WDR11: variants seen among roughly 807,000 people sequenced by gnomAD.
The protein encoded by WDR11 is WD repeat domain 11.
Under a neutral mutation model 151.2 loss-of-function variants are expected in WDR11, and 83 were observed. That is an observed-to-expected ratio of 0.55 (90% CI 0.46 to 0.66). The LOEUF (loss-of-function observed/expected upper bound fraction) is 0.66. Among genes scored for constraint, WDR11 ranks in the 30% least tolerant of loss-of-function variants. The pLI is 0.00. For synonymous variants in WDR11, 484 were observed against 533.1 expected, an observed-to-expected ratio of 0.91 and a Z score of 1.27; for missense variants, 1,301 against 1,480.9, an observed-to-expected ratio of 0.88 and a Z score of 1.99.
chr10:120,873,780 C>A, intron 10 of WDR11, 59 bp from the exon 11 acceptor site: 1 of 1,193,876 alleles, frequency 8.4e-7, no homozygotes, highest in Non-Finnish European at 1.3e-6. Flanking sequence ...AAAGACTTTT[C>A]TTGCAAAGTG....
chr10:120,906,383 C>T (rs748778750), intron 27 of WDR11: 51 of 1,240,396 alleles, frequency 4.1e-5, no homozygotes, highest in African/African-American at 4.6e-5. Flanking sequence ...GGAGACATCC[C>T]GTCTGAAAAT....
chr10:120,863,564 T>G lies in WDR11; in HGVS notation c.713+643T>G, dbSNP rs147151046. Among the ~76,000 whole-genome samples, 263 of 152,362 alleles carry G rather than the reference T, an allele frequency of 1.7e-3. 2 individuals carry two copies. The highest frequency in any genetic ancestry group is 6.1e-3 in the African/African-American group (252 of 41,590). On this transcript the variant is annotated intron_variant, in intron 5 of 28. Coordinates refer to ENST00000263461, the MANE Select transcript of WDR11 (RefSeq NM_018117.12). ...TTATTTAGAAGATGTCGGCTGTTATTAAGAAATTACAACTGAATAAAAGTT... is the reference window on the plus strand; with the variant it reads ...TTATTTAGAAGATGTCGGCTGTTATGAAGAAATTACAACTGAATAAAAGTT...
At chr10:120,880,726 T>G in intron 12 of WDR11, 100 bp from the exon 13 acceptor site, 1 of 975,844 alleles carries the variant, frequency 1.0e-6, no homozygotes, top group Non-Finnish European at 1.6e-6. Context: ...GAACAGAGGG[T>G]AGGATGGGTA....
intron 14 of WDR11, among the ~76,000 whole-genome samples, 199 bp from the exon 15 acceptor site, chr10:120,885,615 A>T (rs1256686388): frequency 6.6e-6 from 1 of 152,010 alleles, no homozygotes; most frequent in Non-Finnish European, 1.5e-5. Context: ...GACCTTTTGG[A>T]AGTTTGCCAT....
chr10:120,866,068 C>G (rs1350044518), intron 7 of WDR11, among the ~76,000 whole-genome samples: 1 of 151,500 alleles, frequency 6.6e-6, no homozygotes, highest in Non-Finnish European at 1.5e-5. Flanking sequence ...TATTATACCC[C>G]CTTGACTTGT....
In WDR11 at chr10:120,906,767, G is replaced by T. The variant is rs777625858; in HGVS notation, c.3438-9G>T. 14 of 1,614,130 alleles carry T rather than the reference G, an allele frequency of 8.7e-6. No homozygotes were observed. The highest frequency in any genetic ancestry group is 1.2e-5 in the Non-Finnish European group (14 of 1,180,016). ...CAAAGCATAACTCTTGTTTTGTTCT[G>T]TTGAGCAGCATGAGATACTTTGATA... On this transcript the variant is annotated splice_polypyrimidine_tract_variant and intron_variant, in intron 27 of 28. Transcript: ENST00000263461.
intron 16 of WDR11, among the ~76,000 whole-genome samples, chr10:120,887,353 A>G (rs965366375): frequency 6.6e-6 from 1 of 152,250 alleles, no homozygotes; most frequent in Non-Finnish European, 1.5e-5. Flanking sequence ...AAGTTTTGCC[A>G]TTAATCATTT....
intron 15 of WDR11, 21 bp from the exon 16 acceptor site, chr10:120,886,668 A>G (rs750161696): frequency 1.2e-6 from 2 of 1,612,242 alleles, no homozygotes; most frequent in South Asian, 1.1e-5. Context: ...CATCTTTATC[A>G]TATGTTTCAC....
At chr10:120,875,361 T>C (rs1846727813) in intron 11 of WDR11, among the ~76,000 whole-genome samples, 1 of 152,230 alleles carries the variant, frequency 6.6e-6, no homozygotes, top group South Asian at 2.1e-4. Context: ...GAAAGCTAAA[T>C]TGACGGAAAA....
chr10:120,864,632 G>A (rs1212615089), intron 5 of WDR11, among the ~76,000 whole-genome samples: 1 of 152,126 alleles, frequency 6.6e-6, no homozygotes, highest in African/African-American at 2.4e-5. Context: ...TGGTCCAGGG[G>A]CCCTAATTAC....
At chr10:120,895,041 T>C (rs1242150900) in intron 19 of WDR11, among the ~76,000 whole-genome samples, 1 of 152,228 alleles carries the variant, frequency 6.6e-6, no homozygotes. Flanking sequence ...TTTCCCTCCT[T>C]TTATTCAGAC....
At chr10:120,862,162 A>G (rs1364704581) in intron 4 of WDR11, among the ~76,000 whole-genome samples, 1 of 147,956 alleles carries the variant, frequency 6.8e-6, no homozygotes, top group Non-Finnish European at 1.5e-5. Context: ...TTTTTTTGAG[A>G]TGGAATCTTG....
chr10:120,869,451 A>G (rs1761370545), intron 9 of WDR11, among the ~76,000 whole-genome samples: 1 of 149,424 alleles, frequency 6.7e-6, no homozygotes, highest in South Asian at 2.1e-4. Context: ...TACGGATTGT[A>G]TAGCAGTTCT....
intron 7 of WDR11, 62 bp downstream of exon 7, chr10:120,865,806 G>A: frequency 1.7e-6 from 2 of 1,158,214 alleles, no homozygotes; most frequent in Non-Finnish European, 2.5e-6. Context: ...AAAGCTTGAT[G>A]TGGCAAATAC....
intron 28 of WDR11, 53 bp downstream of exon 28, chr10:120,906,908 G>A (rs977121437): frequency 2.2e-5 from 35 of 1,613,134 alleles, no homozygotes; most frequent in African/African-American, 2.7e-5. Flanking sequence ...ACATGCATGG[G>A]TTTTGGAATT....
chr10:120,854,718 CT>C (rs1424913731), intron 2 of WDR11, among the ~76,000 whole-genome samples: 1 of 152,124 alleles, frequency 6.6e-6, no homozygotes, highest in Non-Finnish European at 1.5e-5. Context: ...CTCATTGTGG[CT>C]TTGGTTTGCA....
At chr10:120,864,437 G>T (rs1478965587) in intron 5 of WDR11, among the ~76,000 whole-genome samples, 1 of 152,146 alleles carries the variant, frequency 6.6e-6, no homozygotes, top group Non-Finnish European at 1.5e-5. Context: ...TTATTAAAAT[G>T]ATTTTTCAGA....
chr10:120,902,295 T>A lies in WDR11; in HGVS notation c.2726T>A (p.Leu909His). ...CTGTTGCTTGATCCAGAATTCACTC[T>A]CTTGCAGAGGTGCCTGCTTGTTTCA... ...KKLLLDPEFT[L>H]LQRCLLVSRL... Residue 909 changes from leucine to histidine, a missense_variant, in exon 22 of 29, where the codon CTC becomes CAC. Leu to His is a moderately conservative substitution (Grantham distance 99). This residue lies in a region of WDR11 where 589 missense variants were observed against 670.6 expected (regional missense o/e 0.88). Coordinates refer to ENST00000263461, the MANE Select transcript of WDR11 (RefSeq NM_018117.12). 4 of 1,614,162 alleles carry A rather than the reference T, an allele frequency of 2.5e-6. No individual in the cohort carries two copies. The highest frequency in any genetic ancestry group is 3.4e-6 in the Non-Finnish European group (4 of 1,180,012).
intron 11 of WDR11, among the ~76,000 whole-genome samples, chr10:120,874,193 G>GTTTTT (rs1554854855): frequency 1.3e-5 from 1 of 75,330 alleles, no homozygotes; most frequent in Non-Finnish European, 2.8e-5. Flanking sequence ...TTTTTTTTTT[G>GTTTTT]TTGTTGTTGT....
Sources: allele counts gnomAD v4.1 joint callset (sites outside exome capture counted in the v4.1 genomes callset), GRCh38; gene constraint gnomAD v4.1.1; regional missense constraint gnomAD v4.1.1; transcripts MANE v1.5; gene names NCBI Gene and HGNC (gene_info 2026-07-23, HGNC 2026-07-21).